GRIN2A: variants seen among roughly 807,000 people sequenced by gnomAD.
GRIN2A encodes the protein glutamate ionotropic receptor NMDA type subunit 2A, also known as glutamate receptor ionotropic, NMDA 2A.
In GRIN2A, 22 loss-of-function variants were observed where a neutral mutation model predicts 113.4. The ratio of observed to expected loss-of-function variants is 0.19; its 90% confidence interval spans 0.14 to 0.28. The LOEUF is 0.28. Ranked by LOEUF, GRIN2A falls within the 10% of genes least tolerant of loss-of-function variation. GRIN2A has a pLI of 1.00. For synonymous variants in GRIN2A, 827 were observed against 738.4 expected, an observed-to-expected ratio of 1.12 and a Z score of -1.94; for missense variants, 1,502 against 1,887.0, an observed-to-expected ratio of 0.80 and a Z score of 3.78.
intron 4 of GRIN2A, among the ~76,000 whole-genome samples, chr16:9,870,820 T>C (rs1365970253): frequency 6.6e-6 from 1 of 152,060 alleles, no homozygotes; most frequent in Non-Finnish European, 1.5e-5. Flanking sequence ...TGTATTTTAG[T>C]AGAGACAGGG....
chr16:9,934,749 T>C (rs1204434644), intron 3 of GRIN2A, among the ~76,000 whole-genome samples: 2 of 151,544 alleles, frequency 1.3e-5, no homozygotes, highest in Admixed American at 6.6e-5. Flanking sequence ...AATGCTTTCT[T>C]TGGCCTTTCT....
intron 10 of GRIN2A, among the ~76,000 whole-genome samples, chr16:9,805,890 G>A (rs780163621): frequency 3.3e-5 from 5 of 152,098 alleles, no homozygotes; most frequent in Non-Finnish European, 7.4e-5. Context: ...TGTTTACTTG[G>A]GCAAGAGACA....
In GRIN2A at chr16:9,985,926, G is replaced by A. The variant is rs1596389594; in HGVS notation, c.415-47375C>T. ...CTGATGTGACTATCATGCATTGTAT[G>A]CTTGTATCGAAGTATCTCATGTACC... On this transcript the variant is annotated intron_variant, in intron 2 of 12. Coordinates refer to ENST00000330684, the MANE Select transcript of GRIN2A (RefSeq NM_001134407.3). 2.0e-5 allele frequency among the ~76,000 whole-genome samples: 3 copies of A among 152,276 alleles called. No homozygotes were observed. The Middle Eastern group carries it at 0.01, about 518-fold the overall frequency.
chr16:9,921,147 T>C lies in GRIN2A; in HGVS notation c.1007+16812A>G, dbSNP rs555147922. On this transcript the variant is annotated intron_variant, in intron 3 of 12. Transcript: ENST00000330684. ...CTTTATTCTTCTGCCTGTTTTATTA[T>C]TGGCAATGCCAAACATAGATCCCTG... Among the ~76,000 whole-genome samples, 5 of 152,350 alleles carry C rather than the reference T, an allele frequency of 3.3e-5. No homozygotes were observed. The South Asian group carries it at 1.0e-3, about 32-fold the overall frequency.
At chr16:9,810,207 C>T (rs2042060286) in intron 10 of GRIN2A, among the ~76,000 whole-genome samples, 1 of 152,160 alleles carries the variant, frequency 6.6e-6, no homozygotes. Context: ...ATCCACTTTG[C>T]ATACCTGTGT....
intron 2 of GRIN2A, among the ~76,000 whole-genome samples, chr16:10,138,574 GC>G (rs1276623528): frequency 6.6e-6 from 1 of 152,020 alleles, no homozygotes; most frequent in East Asian, 1.9e-4. Flanking sequence ...CTCCCACCAG[GC>G]CCCTCCCTGA....
At chr16:10,096,885 A>G (rs1000174191) in intron 2 of GRIN2A, among the ~76,000 whole-genome samples, 1 of 152,100 alleles carries the variant, frequency 6.6e-6, no homozygotes, top group African/African-American at 2.4e-5. Flanking sequence ...CCTGCCCAGG[A>G]GACTAAGAAC....
At chr16:9,883,690 A>G (rs998760821) in intron 4 of GRIN2A, among the ~76,000 whole-genome samples, 1 of 152,194 alleles carries the variant, frequency 6.6e-6, no homozygotes, top group African/African-American at 2.4e-5. Context: ...GACTTTGGAC[A>G]AGGTGATATT....
intron 2 of GRIN2A, among the ~76,000 whole-genome samples, chr16:10,047,012 A>G (rs2047271982): frequency 6.6e-6 from 1 of 152,008 alleles, no homozygotes; most frequent in Non-Finnish European, 1.5e-5. Flanking sequence ...GCACCCCTGG[A>G]CTCTACCCTC....
chr16:9,951,635 A>G (rs1395588837), intron 2 of GRIN2A, among the ~76,000 whole-genome samples: 1 of 152,254 alleles, frequency 6.6e-6, no homozygotes, highest in Non-Finnish European at 1.5e-5. Flanking sequence ...TAGGAGCATA[A>G]ACAAGGGGTG....
At chr16:9,874,470 T>C (rs2043327006) in intron 4 of GRIN2A, among the ~76,000 whole-genome samples, 1 of 152,214 alleles carries the variant, frequency 6.6e-6, no homozygotes, top group African/African-American at 2.4e-5. Flanking sequence ...GCAGGGAATC[T>C]TGTACCTGTA....
At chr16:9,848,122 A>C (rs1245259884) in intron 5 of GRIN2A, among the ~76,000 whole-genome samples, 2 of 147,840 alleles carry the variant, frequency 1.4e-5, no homozygotes, top group Non-Finnish European at 3.0e-5. Context: ...TATAGTTTAT[A>C]TATAAAAATA....
At chr16:10,174,555 A>G (rs1104068) in intron 2 of GRIN2A, among the ~76,000 whole-genome samples, 88,566 of 152,036 alleles carry the variant, frequency 0.58, 26,438 homozygotes, top group Non-Finnish European at 0.65. Context: ...ATATTTTTTA[A>G]TCTTTGAAGG....
At chr16:9,919,630 C>A (rs1390826097) in intron 3 of GRIN2A, among the ~76,000 whole-genome samples, 1 of 152,194 alleles carries the variant, frequency 6.6e-6, no homozygotes, top group Non-Finnish European at 1.5e-5. Context: ...GAATGAGGCT[C>A]CAGATACAAC....
At chr16:10,102,419 C>T (rs1315877669) in intron 2 of GRIN2A, among the ~76,000 whole-genome samples, 1 of 152,224 alleles carries the variant, frequency 6.6e-6, no homozygotes, top group Non-Finnish European at 1.5e-5. Flanking sequence ...TGAGGCCTCA[C>T]CAGAAGCCAA....
At chr16:10,104,703 T>G (rs1310373447) in intron 2 of GRIN2A, among the ~76,000 whole-genome samples, 1 of 152,122 alleles carries the variant, frequency 6.6e-6, no homozygotes, top group Admixed American at 6.5e-5. Context: ...AGGCAAAAAG[T>G]GCAAAGCATA....
At chr16:9,953,126 AAG>A (rs544993723) in intron 2 of GRIN2A, among the ~76,000 whole-genome samples, 16 of 152,328 alleles carry the variant, frequency 1.1e-4, no homozygotes, top group African/African-American at 3.6e-4. Flanking sequence ...AACTCCAGAA[AAG>A]AGAGAAAGAT....
chr16:10,108,945 G>A (rs7192395), intron 2 of GRIN2A, among the ~76,000 whole-genome samples: 99,886 of 148,694 alleles, frequency 0.67, 34,191 homozygotes, highest in Admixed American at 0.75. Flanking sequence ...TTTCTGAGAA[G>A]ACATTTAGGC....
At position 10,168,991 on chromosome 16, in the gene GRIN2A, A is replaced by G. The variant is rs74693960; in HGVS notation, c.414+11007T>C. On this transcript the variant is annotated intron_variant, in intron 2 of 12. Coordinates refer to ENST00000330684, the MANE Select transcript of GRIN2A (RefSeq NM_001134407.3). ...AAATAATAACAATAATAATAATAAT[A>G]ATAATAATAATAATAATAATAATAA... Among the ~76,000 whole-genome samples the G allele has an allele frequency of 8.9e-4, 130 of 146,014 alleles. 2 individuals carry two copies. Among genetic ancestry groups the G allele is most frequent in the Non-Finnish European group, 6.9e-4 (46 of 66,666 alleles).
Sources: gnomAD v4.1 joint callset for allele counts (sites outside exome capture counted in the v4.1 genomes callset) on GRCh38, gnomAD v4.1.1 for gene constraint, MANE v1.5 for transcripts, NCBI Gene and HGNC (gene_info 2026-07-23, HGNC 2026-07-21) for gene names.